ARAP2: variants seen among roughly 807,000 people sequenced by gnomAD.
The protein encoded by ARAP2 is arf-GAP with Rho-GAP domain, ANK repeat and PH domain-containing protein 2.
Under a neutral mutation model 194.5 loss-of-function variants are expected in ARAP2, and 148 were observed. The observed-to-expected ratio is 0.76, with a 90% CI of 0.67 to 0.87. The LOEUF is 0.87. Among genes scored for constraint, ARAP2 ranks in the 40% least tolerant of loss-of-function variants. ARAP2 has a pLI of 0.00. For synonymous variants in ARAP2, 695 were observed against 683.5 expected (o/e 1.02, Z -0.26); for missense variants, 2,128 against 1,989.7 (o/e 1.07, Z -1.32).
At chr4:36,200,266 T>A (rs1376428526) in intron 6 of ARAP2, among the ~76,000 whole-genome samples, 1 of 152,120 alleles carries the variant, frequency 6.6e-6, no homozygotes, top group Non-Finnish European at 1.5e-5. Context: ...TATTTATTTT[T>A]TTTTTTGAGA....
chr4:36,203,761 A>G (rs1186668686), intron 6 of ARAP2, among the ~76,000 whole-genome samples: 2 of 152,168 alleles, frequency 1.3e-5, no homozygotes, highest in African/African-American at 2.4e-5. Context: ...ATCAGAGCCT[A>G]CGGTGCTTCC....
intron 6 of ARAP2, among the ~76,000 whole-genome samples, chr4:36,204,056 G>A (rs149231529): frequency 4.7e-4 from 71 of 152,274 alleles, no homozygotes; most frequent in African/African-American, 1.6e-3. Flanking sequence ...ACTGGGTTAG[G>A]AAACACAACT....
chr4:36,015,134 CT>C (rs1443691058), intron 8 of ARAP2, among the ~76,000 whole-genome samples: 1 of 152,124 alleles, frequency 6.6e-6, no homozygotes, highest in East Asian at 1.9e-4. Flanking sequence ...AAGTTATTCC[CT>C]CTTATTTAAG....
intron 6 of ARAP2, among the ~76,000 whole-genome samples, chr4:36,199,678 AT>A (rs956478473): frequency 1.3e-5 from 2 of 152,084 alleles, no homozygotes; most frequent in African/African-American, 2.4e-5. Context: ...CTATGAGTGT[AT>A]TTTTTTTAGA....
intron 5 of ARAP2, among the ~76,000 whole-genome samples, chr4:36,023,909 G>A (rs1300840689): frequency 6.6e-6 from 1 of 151,826 alleles, no homozygotes; most frequent in Non-Finnish European, 1.5e-5. Context: ...AATGACGTTT[G>A]TTTTTTGTTC....
At chr4:36,204,712 C>T (rs776649048) in intron 6 of ARAP2, among the ~76,000 whole-genome samples, 1 of 151,968 alleles carries the variant, frequency 6.6e-6, no homozygotes, top group African/African-American at 2.4e-5. Context: ...GCAAACAGGC[C>T]GGGCACGGTC....
In ARAP2 at chr4:36,024,663, T is replaced by G. The variant is rs960822163; in HGVS notation, n.608-5377A>C. On this transcript the variant is annotated intron_variant and non_coding_transcript_variant, in intron 5 of 12. Transcript: ENST00000503225. Reference sequence around the variant, plus strand: ...TAAACAAATATTTAAAAGTAAAATATTTTTTAAAAGCAGCTGGTCTAAGAA... The same window carrying G: ...TAAACAAATATTTAAAAGTAAAATAGTTTTTAAAAGCAGCTGGTCTAAGAA... Among the ~76,000 whole-genome samples the G allele has an allele frequency of 4.6e-5, 7 of 152,290 alleles. No homozygotes were observed. The East Asian group carries it at 1.3e-3, about 29-fold the overall frequency.
intron 21 of ARAP2, among the ~76,000 whole-genome samples, chr4:36,125,528 G>A (rs1723675768): frequency 1.3e-5 from 2 of 151,958 alleles, no homozygotes; most frequent in Non-Finnish European, 2.9e-5. Flanking sequence ...AAAGTTGAGA[G>A]TGCAATGGAA....
Position 36,060,086 on chromosome 4 carries a change from TG to T in ARAP2, n.148-1944del, listed in dbSNP as rs531312615. ...AATGCTACTTCTATCTTATGAAGGTTGTTGTTAAGCCAGTCAACAGGCTGTA... is the reference window on the plus strand; with the variant it reads ...AATGCTACTTCTATCTTATGAAGGTTTTGTTAAGCCAGTCAACAGGCTGTA... On this transcript the variant is annotated intron_variant and non_coding_transcript_variant, in intron 1 of 12. Coordinates refer to the ARAP2 transcript ENST00000503225. Among the ~76,000 whole-genome samples, 25 of 152,262 alleles carry T rather than the reference TG, an allele frequency of 1.6e-4. No homozygotes were observed. In the East Asian group the frequency reaches 4.6e-3, roughly 28 times the overall value.
chr4:36,151,092 C>T (rs986713276), intron 15 of ARAP2, 48 bp from the exon 16 acceptor site: 7 of 1,517,344 alleles, frequency 4.6e-6, no homozygotes, highest in Non-Finnish European at 6.2e-6. Context: ...AATCACGAAT[C>T]CAATTTTAAA....
chr4:36,177,787 T>C (rs1738310285), intron 9 of ARAP2, 40 bp downstream of exon 9: 5 of 1,510,976 alleles, frequency 3.3e-6, no homozygotes, highest in Non-Finnish European at 1.8e-6. Flanking sequence ...GTTACTATAA[T>C]AAAATAGCAG....
chr4:36,200,809 A>G (rs966090428), intron 6 of ARAP2, among the ~76,000 whole-genome samples: 1 of 152,244 alleles, frequency 6.6e-6, no homozygotes, highest in African/African-American at 2.4e-5. Flanking sequence ...GTAATTACAT[A>G]TAATTAATAC....
At chr4:36,091,596 T>C (rs1713667794) in intron 28 of ARAP2, among the ~76,000 whole-genome samples, 3 of 152,156 alleles carry the variant, frequency 2.0e-5, no homozygotes, top group African/African-American at 2.4e-5. Flanking sequence ...CTATTAATTT[T>C]ATTGACTGAG....
At position 36,133,682 on chromosome 4, in the gene ARAP2, C is replaced by T. The variant is rs77657823; in HGVS notation, c.3264-293G>A. ...TGTGGCTATCACCTGTGACTTCTGACGGATATTTCTGGTTACGTTTTTTAA... is the reference window on the plus strand; with the variant it reads ...TGTGGCTATCACCTGTGACTTCTGATGGATATTTCTGGTTACGTTTTTTAA... On this transcript the variant is annotated intron_variant, in intron 19 of 32. Coordinates refer to ENST00000303965, the MANE Select transcript of ARAP2 (RefSeq NM_015230.4). 2.4e-3 allele frequency among the ~76,000 whole-genome samples: 371 copies of T among 151,780 alleles called. 5 individuals carry two copies. The highest frequency in any genetic ancestry group is 0.019 in the East Asian group (97 of 5,132).
intron 27 of ARAP2, among the ~76,000 whole-genome samples, chr4:36,106,614 C>T (rs951774420): frequency 2.6e-5 from 4 of 151,860 alleles, no homozygotes; most frequent in South Asian, 2.1e-4. Flanking sequence ...ACCATCCTCC[C>T]CACCTTTTTT....
At chr4:36,187,662 C>T (rs1740875777) in intron 7 of ARAP2, 91 bp from the exon 8 acceptor site, 10 of 1,148,570 alleles carry the variant, frequency 8.7e-6, no homozygotes, top group Non-Finnish European at 1.1e-5. Context: ...ATAACTGCTT[C>T]TCTTTATAAT....
chr4:36,091,806 A>G, intron 28 of ARAP2, 75 bp downstream of exon 28: 1 of 1,445,492 alleles, frequency 6.9e-7, no homozygotes, highest in Non-Finnish European at 9.2e-7. Flanking sequence ...TCCAAGAGAG[A>G]TGGCTGACAG....
chr4:36,169,749 G>A (rs981743466), intron 9 of ARAP2, among the ~76,000 whole-genome samples: 21 of 152,074 alleles, frequency 1.4e-4, no homozygotes, highest in African/African-American at 4.6e-4. Flanking sequence ...GGCCAAGATG[G>A]TCTCCATTTC....
At chr4:36,212,753 T>C (rs1176811748) in intron 4 of ARAP2, among the ~76,000 whole-genome samples, 1 of 152,106 alleles carries the variant, frequency 6.6e-6, no homozygotes, top group South Asian at 2.1e-4. Context: ...AAAATAAAAT[T>C]TATGTACTTT....
Sources: gnomAD v4.1 joint callset for allele counts (sites outside exome capture counted in the v4.1 genomes callset) on GRCh38, gnomAD v4.1.1 for gene constraint, MANE v1.5 for transcripts, NCBI Gene and HGNC (gene_info 2026-07-23, HGNC 2026-07-21) for gene names.